Variants in PTPRN2 observed in about 807,000 individuals in gnomAD.
PTPRN2 encodes the protein receptor-type tyrosine-protein phosphatase N2.
PTPRN2 carries 74 observed loss-of-function variants against 118.8 expected under a neutral mutation model. That is an observed-to-expected ratio of 0.62 (90% CI 0.52 to 0.76). The LOEUF (loss-of-function observed/expected upper bound fraction) is 0.76, where lower values mean the gene tolerates loss of function less well. PTPRN2 is among the 30% of genes least tolerant of loss of function. PTPRN2 has a pLI of 0.00. For missense variants in PTPRN2, 1,481 were observed against 1,394.4 expected (o/e 1.06, Z -0.99); for synonymous variants, 641 against 608.0 (o/e 1.05, Z -0.80).
chr7:157,855,703 G>C (rs1291003805), intron 12 of PTPRN2, among the ~76,000 whole-genome samples: 3 of 152,242 alleles, frequency 2.0e-5, no homozygotes, highest in Non-Finnish European at 2.9e-5. Context: ...CCGAGGGAGA[G>C]CCGGAGCCAG....
intron 9 of PTPRN2, among the ~76,000 whole-genome samples, chr7:158,131,988 TCA>T (rs1404016091): frequency 8.0e-6 from 1 of 124,612 alleles, no homozygotes; most frequent in African/African-American, 3.1e-5. Context: ...ACACACACAC[TCA>T]CACACATGTA....
intron 12 of PTPRN2, among the ~76,000 whole-genome samples, chr7:157,776,305 T>A (rs1803234153): frequency 7.3e-6 from 1 of 136,788 alleles, no homozygotes; most frequent in African/African-American, 2.8e-5. Context: ...CTTCTCCCTC[T>A]CCTCTTCCTC....
At chr7:158,326,813 G>A (rs1803596449) in intron 2 of PTPRN2, among the ~76,000 whole-genome samples, 3 of 118,818 alleles carry the variant, frequency 2.5e-5, no homozygotes, top group Non-Finnish European at 5.1e-5. Context: ...TCTCACACAT[G>A]CACACATCCT....
rs187040421 is a variant in PTPRN2 at position 158,418,209 on chromosome 7, G to A, written c.163+71526C>T. The stretch of plus-strand genomic sequence containing the variant: ...TCCGTGTCCTGCTGTGTTAAGTCAC[G>A]GTGTACTACATCGAGATGCTCTAGC... On this transcript the variant is annotated intron_variant, in intron 2 of 22. Transcript: ENST00000389418. Among the ~76,000 whole-genome samples the A allele has an allele frequency of 2.7e-3, 396 of 145,550 alleles. 1 individual carries two copies. The highest frequency in any genetic ancestry group is 8.8e-3 in the African/African-American group (335 of 38,040).
chr7:158,501,184 C>T lies in PTPRN2; in HGVS notation c.113-11399G>A, dbSNP rs1586814909. Among the ~76,000 whole-genome samples, 4 of 152,358 alleles carry T rather than the reference C, an allele frequency of 2.6e-5. No homozygotes were observed. The South Asian group carries it at 8.3e-4, about 32-fold the overall frequency. Reference sequence around the variant, plus strand: ...TCCCAGGCAAAGCAGCAACAACCCACTTGCGGAGCCGCAGAGGGGAAATCA... The same window carrying T: ...TCCCAGGCAAAGCAGCAACAACCCATTTGCGGAGCCGCAGAGGGGAAATCA... On this transcript the variant is annotated intron_variant, in intron 1 of 22. Coordinates refer to ENST00000389418, the MANE Select transcript of PTPRN2 (RefSeq NM_002847.5).
chr7:157,659,901 C>T (rs1020755824), intron 13 of PTPRN2, among the ~76,000 whole-genome samples: 10 of 152,088 alleles, frequency 6.6e-5, no homozygotes, highest in East Asian at 1.9e-4. Flanking sequence ...CCTGCCACCA[C>T]GCCCGGCTAA....
At chr7:158,065,660 A>C (rs1810718228) in intron 11 of PTPRN2, among the ~76,000 whole-genome samples, 2 of 152,208 alleles carry the variant, frequency 1.3e-5, no homozygotes, top group Admixed American at 1.3e-4. Flanking sequence ...CCAGCGGATA[A>C]TGAGTTGAGT....
rs1826200113 is a variant in PTPRN2 at position 158,544,983 on chromosome 7, G to A, written c.112+42575C>T. On this transcript the variant is annotated intron_variant, in intron 1 of 22. Transcript: ENST00000389418. The surrounding 1 kb of genome is among the most constrained non-coding windows in gnomAD (Gnocchi z 4.2). Reference sequence around the variant, plus strand: ...GCATCTGGAGCTCCTGCCCAGAAATGGGAAGGTGATCTGCATCCTCCCAGG... The same window carrying A: ...GCATCTGGAGCTCCTGCCCAGAAATAGGAAGGTGATCTGCATCCTCCCAGG... 6.6e-6 allele frequency among the ~76,000 whole-genome samples: 1 copy of A among 152,180 alleles called. No homozygotes were observed. The highest frequency in any genetic ancestry group is 6.5e-5 in the Admixed American group (1 of 15,278).
At chr7:158,143,231 G>A (rs951105751) in intron 6 of PTPRN2, among the ~76,000 whole-genome samples, 1 of 152,196 alleles carries the variant, frequency 6.6e-6, no homozygotes, top group Non-Finnish European at 1.5e-5. Flanking sequence ...GCTGTGTCTG[G>A]AAAAGTAGGC....
intron 12 of PTPRN2, among the ~76,000 whole-genome samples, chr7:157,700,801 T>G (rs1270605133): frequency 1.3e-5 from 2 of 152,136 alleles, no homozygotes; most frequent in African/African-American, 4.8e-5. Flanking sequence ...GAGCCCCTGG[T>G]CAGCGGCCGC....
chr7:158,071,432 CGTGGTGGTGGAGGTG>C (rs1811599648), intron 11 of PTPRN2, among the ~76,000 whole-genome samples: 2 of 40,064 alleles, frequency 5.0e-5, no homozygotes, highest in South Asian at 9.4e-4. Flanking sequence ...TGGAGGTGCT[CGTGGTGGTGGAGGTG>C]CTCGTGGTTG....
intron 11 of PTPRN2, among the ~76,000 whole-genome samples, chr7:157,937,150 C>T (rs991121801): frequency 2.0e-5 from 3 of 152,186 alleles, no homozygotes; most frequent in African/African-American, 7.2e-5. Context: ...CTTTATGCTC[C>T]TTCTGCATCT....
At chr7:158,540,929 A>C (rs1479927010) in intron 1 of PTPRN2, among the ~76,000 whole-genome samples, 2 of 152,238 alleles carry the variant, frequency 1.3e-5, no homozygotes, top group African/African-American at 4.8e-5. Flanking sequence ...CGCCAAGCAC[A>C]CAGGTGCTGC....
At chr7:158,558,511 C>T (rs923702512) in intron 1 of PTPRN2, among the ~76,000 whole-genome samples, 1 of 152,102 alleles carries the variant, frequency 6.6e-6, no homozygotes, top group Non-Finnish European at 1.5e-5. Flanking sequence ...GTCCCAGGGA[C>T]ATGAAGGCCT....
At chr7:158,397,410 G>A (rs1812601749) in intron 2 of PTPRN2, among the ~76,000 whole-genome samples, 1 of 152,206 alleles carries the variant, frequency 6.6e-6, no homozygotes, top group African/African-American at 2.4e-5. Flanking sequence ...CAGCCTCAGG[G>A]TTGCCCTCCA....
chr7:158,133,130 C>T (rs1563483991), intron 9 of PTPRN2, among the ~76,000 whole-genome samples: 1 of 152,210 alleles, frequency 6.6e-6, no homozygotes, highest in Admixed American at 6.5e-5. Context: ...TGTGAAGCCC[C>T]TTCTTCCTTC....
intron 11 of PTPRN2, among the ~76,000 whole-genome samples, chr7:158,032,692 C>G (rs998797616): frequency 3.3e-5 from 5 of 152,066 alleles, no homozygotes; most frequent in African/African-American, 1.2e-4. Context: ...TGGCTTAGAC[C>G]TAAAATCACA....
Position 158,332,640 on chromosome 7 carries a change from C to A in PTPRN2, c.164-15708G>T, listed in dbSNP as rs1291425849. Among the ~76,000 whole-genome samples, 4 of 149,752 alleles carry A rather than the reference C, an allele frequency of 2.7e-5. 1 individual carries two copies. Among genetic ancestry groups the A allele is most frequent in the East Asian group, 4.0e-4 (2 of 5,036 alleles). On this transcript the variant is annotated intron_variant, in intron 2 of 22. Coordinates refer to ENST00000389418, the MANE Select transcript of PTPRN2 (RefSeq NM_002847.5). Reference sequence around the variant, plus strand: ...CAGATGTCACTCACACCCACACTGTCACCATAAGAGCTGATGCCTGCAGAC... The same window carrying A: ...CAGATGTCACTCACACCCACACTGTAACCATAAGAGCTGATGCCTGCAGAC...
chr7:158,230,612 T>C (rs559961714), intron 3 of PTPRN2, among the ~76,000 whole-genome samples: 4 of 152,256 alleles, frequency 2.6e-5, no homozygotes, highest in East Asian at 1.9e-4. Context: ...ACTTGTTATA[T>C]GTTTAAGTTG....
Sources: gnomAD v4.1 joint callset for allele counts (sites outside exome capture counted in the v4.1 genomes callset) on GRCh38, gnomAD v4.1.1 for gene constraint, Gnocchi (gnomAD v3.1) non-coding constraint, MANE v1.5 for transcripts, NCBI Gene and HGNC (gene_info 2026-07-23, HGNC 2026-07-21) for gene names.